UGT1A10: variants seen among roughly 807,000 people sequenced by gnomAD.
The protein encoded by UGT1A10 is UDP-glucuronosyltransferase 1A10.
UGT1A10 carries 49 observed loss-of-function variants against 45.8 expected under a neutral mutation model. The ratio of observed to expected loss-of-function variants is 1.07; its 90% confidence interval spans 0.85 to 1.36. UGT1A10 has a LOEUF of 1.36. Among genes scored for constraint, UGT1A10 ranks in the 40% most tolerant of loss-of-function variants. UGT1A10 has a pLI of 0.00. For missense variants in UGT1A10, 745 were observed against 668.6 expected, an observed-to-expected ratio of 1.11 and a Z score of -1.26; for synonymous variants, 284 against 249.7, an observed-to-expected ratio of 1.14 and a Z score of -1.29.
intron 1 of UGT1A10, among the ~76,000 whole-genome samples, chr2:233,652,318 A>G (rs2073761359): frequency 6.6e-6 from 1 of 152,250 alleles, no homozygotes; most frequent in African/African-American, 2.4e-5. Context: ...ACTACAGTGT[A>G]ATGAGCACCC....
chr2:233,682,735 G>A (rs769747988), intron 1 of UGT1A10: 1 of 1,613,896 alleles, frequency 6.2e-7, no homozygotes, highest in Non-Finnish European at 8.5e-7. Context: ...AACCCGTGAT[G>A]CCCAATATGA....
intron 1 of UGT1A10, among the ~76,000 whole-genome samples, chr2:233,665,759 C>T (rs746712302): frequency 5.9e-5 from 9 of 152,104 alleles, no homozygotes; most frequent in Non-Finnish European, 1.2e-4. Context: ...TTTAAAAATA[C>T]ACACAATACA....
intron 1 of UGT1A10, chr2:233,747,287 G>A: frequency 6.2e-7 from 1 of 1,601,492 alleles, no homozygotes; most frequent in Admixed American, 1.7e-5. Context: ...GCCCAGCCCT[G>A]GGCTGAGAGT....
intron 1 of UGT1A10, chr2:233,729,134 C>T (rs143371539): frequency 2.5e-6 from 4 of 1,613,290 alleles, no homozygotes; most frequent in Middle Eastern, 1.8e-4. Flanking sequence ...GAGATGGCCA[C>T]AGGACTCCAG....
At chr2:233,675,895 T>G (rs1443660029) in intron 1 of UGT1A10, among the ~76,000 whole-genome samples, 1 of 152,146 alleles carries the variant, frequency 6.6e-6, no homozygotes. Context: ...CATTATCATA[T>G]CTAAGACAAT....
chr2:233,760,629 G>T (rs1330446381), intron 1 of UGT1A10: 1 of 1,613,986 alleles, frequency 6.2e-7, no homozygotes, highest in Non-Finnish European at 8.5e-7. Context: ...AAACATACAA[G>T]AAAATAAAAA....
chr2:233,743,573 A>G (rs765598613), intron 1 of UGT1A10: 1 of 1,367,260 alleles, frequency 7.3e-7, no homozygotes, highest in South Asian at 1.1e-5. Context: ...CGGGTTTCCC[A>G]AGAGGTCAAA....
At chr2:233,741,729 C>T (rs1433169561) in intron 1 of UGT1A10, 1 of 151,846 alleles carries the variant, frequency 6.6e-6, no homozygotes, top group Admixed American at 6.5e-5. Context: ...CATATCCAAA[C>T]CCATATCACA....
At chr2:233,707,141 G>A (rs1346403880) in intron 1 of UGT1A10, among the ~76,000 whole-genome samples, 2 of 152,124 alleles carry the variant, frequency 1.3e-5, no homozygotes, top group Admixed American at 1.3e-4. Context: ...TATCCCGGAG[G>A]TCACTGCAGT....
At chr2:233,745,293 G>A (rs759714451) in intron 1 of UGT1A10, among the ~76,000 whole-genome samples, 20 of 151,866 alleles carry the variant, frequency 1.3e-4, no homozygotes, top group African/African-American at 4.4e-4. Flanking sequence ...GGGGATAAAC[G>A]TGGGATGCAG....
intron 1 of UGT1A10, among the ~76,000 whole-genome samples, chr2:233,758,630 C>T (rs1481038877): frequency 6.6e-6 from 1 of 152,172 alleles, no homozygotes; most frequent in Non-Finnish European, 1.5e-5. Context: ...AAAGTACCTA[C>T]TCTAAGGAGA....
intron 1 of UGT1A10, among the ~76,000 whole-genome samples, chr2:233,679,021 C>A (rs975466167): frequency 6.6e-6 from 1 of 152,166 alleles, no homozygotes; most frequent in Admixed American, 6.5e-5. Flanking sequence ...GTGGTGTAAT[C>A]CTTCTGGACT....
intron 1 of UGT1A10, among the ~76,000 whole-genome samples, chr2:233,750,112 A>G (rs965071088): frequency 7.2e-5 from 11 of 151,944 alleles, no homozygotes; most frequent in Middle Eastern, 3.2e-3. Flanking sequence ...AGAAGAAGAC[A>G]GGAAGATGTG....
At chr2:233,701,365 A>G (rs571373047) in intron 1 of UGT1A10, among the ~76,000 whole-genome samples, 5 of 152,274 alleles carry the variant, frequency 3.3e-5, no homozygotes, top group African/African-American at 1.2e-4. Context: ...AGATCTACAA[A>G]GAGACTTAGA....
intron 1 of UGT1A10, among the ~76,000 whole-genome samples, chr2:233,703,752 G>A (rs1363536949): frequency 2.6e-5 from 4 of 151,892 alleles, no homozygotes; most frequent in Admixed American, 1.3e-4. Flanking sequence ...AATCTCAAAT[G>A]TATCTTCTGC....
intron 1 of UGT1A10, among the ~76,000 whole-genome samples, chr2:233,697,628 C>T (rs1228817319): frequency 2.0e-5 from 3 of 150,138 alleles, no homozygotes; most frequent in Non-Finnish European, 4.4e-5. Context: ...GTTTGGTTTA[C>T]TTTTGCTTTT....
Position 233,730,113 on chromosome 2 carries a change from C to T in UGT1A10, c.856-36921C>T, listed in dbSNP as rs1287163438. 3 of 1,563,380 alleles carry T rather than the reference C, an allele frequency of 1.9e-6. No homozygotes were observed. In the African/African-American group the frequency reaches 4.1e-5, roughly 21 times the overall value. ...TTCCAAATATTTCATTTCTGCTTCTCCTTGTCATAATAGCCTTCAGTGAGA... is the reference window on the plus strand; with the variant it reads ...TTCCAAATATTTCATTTCTGCTTCTTCTTGTCATAATAGCCTTCAGTGAGA... On this transcript the variant is annotated intron_variant, in intron 1 of 4. Coordinates refer to ENST00000344644, the MANE Select transcript of UGT1A10 (RefSeq NM_019075.4).
chr2:233,665,062 T>G (rs2074044575), intron 1 of UGT1A10, among the ~76,000 whole-genome samples: 1 of 152,250 alleles, frequency 6.6e-6, no homozygotes, highest in Non-Finnish European at 1.5e-5. Flanking sequence ...AATTATTTTA[T>G]GCATATGCAG....
chr2:233,681,509 T>A (rs2074525662), intron 1 of UGT1A10, among the ~76,000 whole-genome samples: 1 of 126,004 alleles, frequency 7.9e-6, no homozygotes, highest in Admixed American at 1.0e-4. Context: ...CCAGCCTGGA[T>A]GACACAGTGA....
Sources: gnomAD v4.1 joint callset for allele counts (sites outside exome capture counted in the v4.1 genomes callset) on GRCh38, gnomAD v4.1.1 for gene constraint, MANE v1.5 for transcripts, NCBI Gene and HGNC (gene_info 2026-07-23, HGNC 2026-07-21) for gene names.